GAS6: variants seen among roughly 807,000 people sequenced by gnomAD.
The protein encoded by GAS6 is growth arrest specific 6.
A neutral mutation model predicts 75.8 loss-of-function variants in GAS6; 41 were observed. That is an observed-to-expected ratio of 0.54 (90% CI 0.42 to 0.70). The LOEUF (loss-of-function observed/expected upper bound fraction) is 0.70, where lower values mean the gene tolerates loss of function less well. GAS6 is among the 30% of genes least tolerant of loss of function. The pLI is 0.00. For missense variants in GAS6, 854 were observed against 940.2 expected (o/e 0.91, Z 1.20); for synonymous variants, 432 against 412.6 (o/e 1.05, Z -0.57).
Position 113,832,331 on chromosome 13 carries a change from C to T in GAS6, c.1111G>A (p.Gly371Ser), listed in dbSNP as rs202194869. The T allele has an allele frequency of 2.7e-5, 44 of 1,601,972 alleles. No homozygotes were observed. The highest frequency in any genetic ancestry group is 1.9e-4 in the Middle Eastern group (1 of 5,202). ...CACATGCCATGGTTGATGACCGGGC[C>T]GCTGCTGGTGACACGGCCGACACCG... ...YNGVGRVTSSGPVINHGMWQT... is the reference protein window; with the variant it reads ...YNGVGRVTSSSPVINHGMWQT... Residue 371 changes from glycine (G) to serine (S), a missense_variant, in exon 10 of 15, where the codon GGC becomes AGC. Transcript: ENST00000327773.
At chr13:113,834,483 C>G (rs567126704) in intron 8 of GAS6, 68 bp downstream of exon 8, 2 of 1,405,640 alleles carry the variant, frequency 1.4e-6, no homozygotes, top group Non-Finnish European at 1.9e-6. Context: ...GTGTTTCTCC[C>G]GAAAGCCCCC....
At chr13:113,831,346 C>T (rs1015968479) in intron 10 of GAS6, among the ~76,000 whole-genome samples, 9 of 151,960 alleles carry the variant, frequency 5.9e-5, no homozygotes, top group Non-Finnish European at 1.3e-4. Context: ...GCTCAGGGAC[C>T]GCAGCGTCCA....
In GAS6 at chr13:113,848,873, C is replaced by G. The variant is rs891442733; in HGVS notation, c.256-823G>C. ...TCCCATTATCAGGAATGAGGAAACC[C>G]GGCTTCAGGATGGTTGTGGGATTCA... On this transcript the variant is annotated intron_variant, in intron 2 of 14. Transcript: ENST00000327773. The surrounding 1 kb of genome is among the most constrained non-coding windows in gnomAD (Gnocchi z 4.8). Among the ~76,000 whole-genome samples the G allele has an allele frequency of 7.2e-5, 11 of 152,328 alleles. No homozygotes were observed. The highest frequency in any genetic ancestry group is 1.9e-4 in the East Asian group (1 of 5,182).
intron 12 of GAS6, among the ~76,000 whole-genome samples, chr13:113,825,562 C>CGCG (rs2051526085): frequency 1.3e-5 from 2 of 152,318 alleles, no homozygotes; most frequent in South Asian, 4.1e-4. Context: ...GGCCGGCAGA[C>CGCG]GCGGCCGGCA....
At chr13:113,855,653 G>A (rs192730438) in intron 2 of GAS6, among the ~76,000 whole-genome samples, 30 of 152,216 alleles carry the variant, frequency 2.0e-4, no homozygotes, top group Admixed American at 1.6e-3. Flanking sequence ...CCGCTTCTGC[G>A]CCGGGAGTCA....
At chr13:113,843,606 G>A (rs1398905905) in intron 4 of GAS6, 1 of 151,444 alleles carries the variant, frequency 6.6e-6, no homozygotes, top group Non-Finnish European at 1.5e-5. Context: ...CAGTGGAGAA[G>A]CTGGGTGTGT....
Position 113,837,726 on chromosome 13 carries a change from G to C in GAS6, c.589+343C>G, listed in dbSNP as rs969535081. 6.6e-6 allele frequency among the ~76,000 whole-genome samples: 1 copy of C among 152,098 alleles called. No homozygotes were observed. Among genetic ancestry groups the C allele is most frequent in the Non-Finnish European group, 1.5e-5 (1 of 67,990 alleles). Reference sequence around the variant, plus strand: ...TGGACGGCGGGGGGACCCTAGCCTGGAGCCCTGACCCACAAGCTCACTACA... The same window carrying C: ...TGGACGGCGGGGGGACCCTAGCCTGCAGCCCTGACCCACAAGCTCACTACA... On this transcript the variant is annotated intron_variant, in intron 6 of 14. Coordinates refer to ENST00000327773, the MANE Select transcript of GAS6 (RefSeq NM_000820.4). This position sits in a 1 kb window ranked among gnomAD's most constrained non-coding sequence, Gnocchi z 5.1.
rs2051988039 is a variant in GAS6 at position 113,863,323 on chromosome 13, C to T, written c.255+252G>A. On this transcript the variant is annotated intron_variant, in intron 2 of 14. Transcript: ENST00000327773. The surrounding 1 kb of genome is among the most constrained non-coding windows in gnomAD (Gnocchi z 9.4). ...TCGCACTTTGGAAACGGACTCCCGG[C>T]TTCCCCGCGGGGAGGCGTCTGACAG... Among the ~76,000 whole-genome samples the T allele has an allele frequency of 6.6e-6, 1 of 152,184 alleles. No individual in the cohort carries two copies. Among genetic ancestry groups the T allele is most frequent in the Non-Finnish European group, 1.5e-5 (1 of 68,026 alleles).
At chr13:113,856,794 C>G (rs1300885516) in intron 2 of GAS6, among the ~76,000 whole-genome samples, 2 of 152,256 alleles carry the variant, frequency 1.3e-5, no homozygotes, top group Non-Finnish European at 2.9e-5. Flanking sequence ...CCGGGCTGCC[C>G]TCATTTGGAG....
At chr13:113,834,193 C>G (rs894822640) in intron 8 of GAS6, among the ~76,000 whole-genome samples, 1 of 134,820 alleles carries the variant, frequency 7.4e-6, no homozygotes, top group Non-Finnish European at 1.6e-5. Context: ...GTGACAGGCA[C>G]CGGTGTGACA....
intron 6 of GAS6, among the ~76,000 whole-genome samples, chr13:113,836,923 AGAGGAAGAT>A (rs2051723333): frequency 2.6e-5 from 2 of 76,900 alleles, no homozygotes; most frequent in African/African-American, 5.3e-5. Context: ...GTGGGGAGGA[AGAGGAAGAT>A]GGGGAGGAGG....
chr13:113,833,380 C>A (rs1470600429), intron 8 of GAS6: 2 of 995,358 alleles, frequency 2.0e-6, no homozygotes, highest in East Asian at 2.2e-4. Context: ...AGCCCAGACC[C>A]AAGAGCCCCA....
In GAS6 at chr13:113,848,520, C is replaced by A. The variant is rs543258814; in HGVS notation, c.256-470G>T. On this transcript the variant is annotated intron_variant, in intron 2 of 14. Coordinates refer to ENST00000327773, the MANE Select transcript of GAS6 (RefSeq NM_000820.4). This position sits in a 1 kb window ranked among gnomAD's most constrained non-coding sequence, Gnocchi z 4.8. ...TGAAGGGTCTTCTTATCCATGAAAG[C>A]GCACTGACGAGGTCCACATTCGACA... 8.5e-5 allele frequency among the ~76,000 whole-genome samples: 13 copies of A among 152,138 alleles called. No homozygotes were observed. The highest frequency in any genetic ancestry group is 3.1e-4 in the African/African-American group (13 of 41,406).
intron 12 of GAS6, 40 bp downstream of exon 12, chr13:113,826,956 T>C: frequency 6.4e-7 from 1 of 1,559,262 alleles, no homozygotes; most frequent in Admixed American, 1.8e-5. Flanking sequence ...TGTCTGAAGG[T>C]GCAGCCACAG....
intron 2 of GAS6, among the ~76,000 whole-genome samples, chr13:113,857,553 CAG>C (rs2051924214): frequency 1.3e-5 from 2 of 152,124 alleles, no homozygotes; most frequent in South Asian, 2.1e-4. Context: ...CCTTAGAAAA[CAG>C]GGGAAAATGA....
intron 2 of GAS6, among the ~76,000 whole-genome samples, chr13:113,850,088 T>C (rs1009416830): frequency 2.0e-5 from 3 of 152,196 alleles, no homozygotes; most frequent in African/African-American, 4.8e-5. Context: ...ACATTTCACA[T>C]TGTCCTGAGA....
intron 14 of GAS6, chr13:113,821,267 C>T: frequency 3.6e-6 from 2 of 562,130 alleles, no homozygotes; most frequent in African/African-American, 1.9e-5. Flanking sequence ...CAGACAGTCC[C>T]ATCGGTTAAA....
At chr13:113,821,499 C>A (rs570982899) in intron 14 of GAS6, 32 of 229,008 alleles carry the variant, frequency 1.4e-4, no homozygotes, top group African/African-American at 7.1e-4. Flanking sequence ...GCAAGGACAT[C>A]CCCGGTCCCA....
chr13:113,822,341 G>C, intron 13 of GAS6, 155 bp from the exon 14 acceptor site: 1 of 550,664 alleles, frequency 1.8e-6, no homozygotes, highest in Non-Finnish European at 3.1e-6. Context: ...CTCGCTGACT[G>C]TGGATGACAC....
Sources: gnomAD v4.1 joint callset for allele counts (sites outside exome capture counted in the v4.1 genomes callset) on GRCh38, gnomAD v4.1.1 for gene constraint, Gnocchi (gnomAD v3.1) non-coding constraint, MANE v1.5 for transcripts, NCBI Gene and HGNC (gene_info 2026-07-23, HGNC 2026-07-21) for gene names.